The following ETAA1 variants were observed in gnomAD, a reference collection of about 807,000 sequenced individuals.
ETAA1 encodes the protein ewing's tumor-associated antigen 1.
A neutral mutation model predicts 76.8 loss-of-function variants in ETAA1; 49 were observed. The observed-to-expected ratio is 0.64, with a 90% CI of 0.51 to 0.81. The LOEUF (loss-of-function observed/expected upper bound fraction) is 0.81, where lower values mean the gene tolerates loss of function less well. Ranked by LOEUF, ETAA1 falls within the 30% of genes least tolerant of loss-of-function variation. The pLI, the probability that ETAA1 is intolerant of heterozygous loss-of-function variation, is 0.00. For missense variants in ETAA1, 1,099 were observed against 1,074.0 expected (o/e 1.02, Z -0.32); for synonymous variants, 373 against 372.2 (o/e 1.00, Z -0.03).
intron 3 of ETAA1, chr2:67,402,604 A>G (rs1676085809): frequency 5.3e-6 from 1 of 189,404 alleles, no homozygotes; most frequent in Admixed American, 6.1e-5. Context: ...TTAAAACAAT[A>G]TTTTTTTAAA....
Position 67,399,536 on chromosome 2 carries a change from C to A in ETAA1, c.353-14C>A. On this transcript the variant is annotated splice_polypyrimidine_tract_variant and intron_variant, in intron 2 of 5. Coordinates refer to ENST00000272342, the MANE Select transcript of ETAA1 (RefSeq NM_019002.4). ...TTTTGTTTAAAATTTATAGAAATGT[C>A]TTTGTTTCTTTAGGTAAAGGAAGAA... 3 of 1,560,272 alleles carry A rather than the reference C, an allele frequency of 1.9e-6. No homozygotes were observed. Among genetic ancestry groups the A allele is most frequent in the Non-Finnish European group, 2.6e-6 (3 of 1,143,326 alleles).
In ETAA1 at chr2:67,411,735, G is replaced by T. The variant is rs777754741; in HGVS notation, c.*1697G>T. 1.3e-5 allele frequency: 2 copies of T among 152,044 alleles called. No homozygotes were observed. Among genetic ancestry groups the T allele is most frequent in the African/African-American group, 4.8e-5 (2 of 41,422 alleles). 9.4% of individuals were successfully genotyped at this position (152,044 alleles called of 1,614,324 possible). On this transcript the variant is annotated 3_prime_UTR_variant, in exon 6 of 6. Transcript: ENST00000272342. ...TTTTCATATCTACAGTGGAGTACTG[G>T]AGTTTAGCTAACCTATATTATTTTT...
At position 67,410,867 on chromosome 2, in the gene ETAA1, A is replaced by T. The variant is rs1401410700; in HGVS notation, c.*829A>T. The T allele has an allele frequency of 6.6e-6, 1 of 152,098 alleles. No individual in the cohort carries two copies. The highest frequency in any genetic ancestry group is 2.4e-5 in the African/African-American group (1 of 41,458). The allele number at this position is 152,098 out of a possible 1,614,324, so 9.4% of individuals were successfully genotyped here. A position where few individuals can be genotyped will look rare whatever the true frequency, so the allele number is the denominator to read the frequency against. On this transcript the variant is annotated 3_prime_UTR_variant, in exon 6 of 6. Coordinates refer to ENST00000272342, the MANE Select transcript of ETAA1 (RefSeq NM_019002.4). ...TAAACAATTATACTATTTGTTTCAA[A>T]GTATCAGTACATAAAATAACTTGAG...
rs779883240 is a variant in ETAA1, at chr2:67,404,399, G to T, written c.1717G>T (p.Val573Leu). Reference sequence around the variant, plus strand: ...CCCAAATCAGACTAGTGCATCAAAAGTAGGTTCTTTCTTTGATGATTGGAA... The same window carrying T: ...CCCAAATCAGACTAGTGCATCAAAATTAGGTTCTTTCTTTGATGATTGGAA... The part of the protein sequence containing the change: ...SNPNQTSASK[V>L]GSFFDDWNDP... Residue 573 changes from valine to leucine, a missense_variant, in exon 5 of 6, where the codon GTA becomes TTA. By Grantham distance (32) the Val-to-Leu change is conservative. Around this residue, in one of 3 missense-constraint regions of ETAA1, gnomAD observed 761 missense variants for 731.9 expected, o/e 1.04. Transcript: ENST00000272342. 23 of 1,613,182 alleles carry T rather than the reference G, an allele frequency of 1.4e-5. No individual in the cohort carries two copies. The highest frequency in any genetic ancestry group is 1.9e-5 in the Non-Finnish European group (23 of 1,179,486).
intron 4 of ETAA1, 100 bp from the exon 5 acceptor site, chr2:67,403,125 A>G: frequency 8.9e-7 from 1 of 1,118,944 alleles, no homozygotes; most frequent in Non-Finnish European, 1.2e-6. Context: ...AATAATTATA[A>G]CTGTTAAAAT....
chr2:67,410,682 A>G lies in ETAA1; in HGVS notation c.*644A>G, dbSNP rs1421638007. 2.0e-5 allele frequency: 3 copies of G among 152,108 alleles called. No homozygotes were observed. The highest frequency in any genetic ancestry group is 6.6e-5 in the Admixed American group (1 of 15,242). 9.4% of individuals were successfully genotyped at this position (152,108 alleles called of 1,614,324 possible). ...GAGGAAAAGAAGTAGTGGATTGTCT[A>G]CAAAAGTAATGTGGCATCATTAACA... On this transcript the variant is annotated 3_prime_UTR_variant, in exon 6 of 6. Coordinates refer to ENST00000272342, the MANE Select transcript of ETAA1 (RefSeq NM_019002.4).
Position 67,399,248 on chromosome 2 carries a change from A to T in ETAA1, c.303A>T (p.Gly101=). 1.9e-6 allele frequency: 3 copies of T among 1,613,622 alleles called. No individual in the cohort carries two copies. Among genetic ancestry groups the T allele is most frequent in the Non-Finnish European group, 2.5e-6 (3 of 1,179,660 alleles). The change falls in exon 2 of 6, where the codon GGA becomes GGT. Residue 101 remains glycine (G), a synonymous_variant. Coordinates refer to ENST00000272342, the MANE Select transcript of ETAA1 (RefSeq NM_019002.4). ...TCAGTTCTCCTAATGATCCAGATGG[A>T]CAGAATGATATCTTTTGGGATCAGA... The part of the protein sequence containing the change: ...SSFSSPNDPD[G]QNDIFWDQNS...
At position 67,403,241 on chromosome 2, in the gene ETAA1, CAA is replaced by C. The variant is rs1446340313; in HGVS notation, c.560_561del (p.Gln187ArgfsTer9). Reference protein sequence around the residue: ...ISCTKLKTQSQEEELMKLAKQ... With the variant: ...ISCTKLKTQSXEEELMKLAKQ... Reference sequence around the variant, plus strand: ...GTTTAATAGGTTAAAAACACAAAGTCAAGAAGAAGAACTTATGAAACTGGCTA... The same window carrying C: ...GTTTAATAGGTTAAAAACACAAAGTCGAAGAAGAACTTATGAAACTGGCTA... On this transcript the variant is annotated frameshift_variant, in exon 5 of 6. Transcript: ENST00000272342. LOFTEE classifies it high-confidence loss of function. The C allele has an allele frequency of 3.2e-6, 5 of 1,560,704 alleles. No individual in the cohort carries two copies. Among genetic ancestry groups the C allele is most frequent in the Non-Finnish European group, 4.3e-6 (5 of 1,158,536 alleles).
rs578076536 is a variant in ETAA1, at chr2:67,404,842, A to G, written c.2160A>G (p.Lys720=). The change falls in exon 5 of 6, where the codon AAA becomes AAG. Residue 720 remains lysine, a synonymous_variant. Transcript: ENST00000272342. Reference sequence around the variant, plus strand: ...TAGATAAGCCAATGAAGATGGAGAAAGGGGAAATGTATGGAAATTCTCCAA... The same window carrying G: ...TAGATAAGCCAATGAAGATGGAGAAGGGGGAAATGTATGGAAATTCTCCAA... The part of the protein sequence containing the change: ...SQIDKPMKME[K]GEMYGNSPRF... 6.8e-6 allele frequency: 11 copies of G among 1,613,222 alleles called. 1 individual carries two copies. Among genetic ancestry groups the G allele is most frequent in the Middle Eastern group, 1.7e-4 (1 of 6,056 alleles).
At chr2:67,397,758 G>A in intron 1 of ETAA1, 87 bp downstream of exon 1, 1 of 1,305,956 alleles carries the variant, frequency 7.7e-7, no homozygotes, top group South Asian at 1.3e-5. Context: ...GGGTGGGGGT[G>A]GAGTCTGGAG....
intron 3 of ETAA1, 74 bp from the exon 4 acceptor site, chr2:67,402,786 CTT>C (rs897892231): frequency 2.1e-6 from 2 of 955,838 alleles, no homozygotes; most frequent in African/African-American, 3.4e-5. Flanking sequence ...TGTCTTTTTT[CTT>C]TCTTTTGTTT....
At chr2:67,407,681 T>C (rs1397030142) in intron 5 of ETAA1, among the ~76,000 whole-genome samples, 2 of 152,166 alleles carry the variant, frequency 1.3e-5, no homozygotes, top group Non-Finnish European at 2.9e-5. Flanking sequence ...ATATTTTGTA[T>C]GCTCTTATAT....
intron 4 of ETAA1, 66 bp from the exon 5 acceptor site, chr2:67,403,159 T>C: frequency 8.2e-7 from 1 of 1,218,618 alleles, no homozygotes; most frequent in Non-Finnish European, 1.1e-6. Flanking sequence ...CATCAAAATA[T>C]GTTAAATAAC....
intron 5 of ETAA1, among the ~76,000 whole-genome samples, chr2:67,407,663 A>G (rs1676256177): frequency 6.6e-6 from 1 of 152,146 alleles, no homozygotes; most frequent in Non-Finnish European, 1.5e-5. Context: ...AACATAATTA[A>G]TTAATACATA....
intron 5 of ETAA1, among the ~76,000 whole-genome samples, chr2:67,409,349 C>T (rs1214951149): frequency 6.6e-6 from 1 of 151,926 alleles, no homozygotes; most frequent in Non-Finnish European, 1.5e-5. Flanking sequence ...CAGTGAATCA[C>T]AGGTAACCAG....
chr2:67,399,513 TTG>T lies in ETAA1; in HGVS notation c.353-35_353-34del, dbSNP rs778211775. ...GCTGTTTTTTAAAATGGAGGGTTTT[TTG>T]TTTAAAATTTATAGAAATGTCTTTG... On this transcript the variant is annotated intron_variant, in intron 2 of 5. Coordinates refer to ENST00000272342, the MANE Select transcript of ETAA1 (RefSeq NM_019002.4). 11 of 1,501,002 alleles carry T rather than the reference TTG, an allele frequency of 7.3e-6. No homozygotes were observed. In the African/African-American group the frequency reaches 1.5e-4, roughly 21 times the overall value. The allele number at this position is 1,501,002 out of a possible 1,614,324, so 93.0% of individuals were successfully genotyped here.
Position 67,403,901 on chromosome 2 carries a change from A to G in ETAA1, c.1219A>G (p.Thr407Ala), listed in dbSNP as rs1448778178. 3 of 1,613,028 alleles carry G rather than the reference A, an allele frequency of 1.9e-6. No homozygotes were observed. The highest frequency in any genetic ancestry group is 2.5e-6 in the Non-Finnish European group (3 of 1,179,480). ...IDMPELFPSK[T>A]AHVTDQKEIC... ...CATGCCTGAACTCTTTCCTTCTAAA[A>G]CAGCCCATGTTACTGATCAAAAGGA... Residue 407 changes from threonine to alanine, a missense_variant, in exon 5 of 6, where the codon ACA (threonine) becomes GCA (alanine). Coordinates refer to ENST00000272342, the MANE Select transcript of ETAA1 (RefSeq NM_019002.4).
Position 67,403,525 on chromosome 2 carries a change from C to T in ETAA1, c.843C>T (p.Ala281=). The T allele has an allele frequency of 6.2e-7, 1 of 1,613,490 alleles. No homozygotes were observed. The highest frequency in any genetic ancestry group is 1.3e-5 in the African/African-American group (1 of 75,008). Residue 281 remains alanine (A), a synonymous_variant, in exon 5 of 6, where the codon GCC becomes GCT. Coordinates refer to ENST00000272342, the MANE Select transcript of ETAA1 (RefSeq NM_019002.4). ...CATTTGACCAAATTGCTGAAGCAGC[C>T]TTTAATGCTATTTTTGATGGTTCTA... The part of the protein sequence containing the change: ...QKPFDQIAEA[A]FNAIFDGSTQ...
At chr2:67,397,906 G>GT (rs1675928515) in intron 1 of ETAA1, among the ~76,000 whole-genome samples, 1 of 152,208 alleles carries the variant, frequency 6.6e-6, no homozygotes, top group South Asian at 2.1e-4. Context: ...ACAGGAATAG[G>GT]TAATGTGGTT....
Sources: gnomAD v4.1 joint callset for allele counts (sites outside exome capture counted in the v4.1 genomes callset) on GRCh38, gnomAD v4.1.1 for gene constraint, gnomAD v4.1.1 regional missense constraint, MANE v1.5 for transcripts, NCBI Gene and HGNC (gene_info 2026-07-23, HGNC 2026-07-21) for gene names.